FRAS1: variants seen among roughly 807,000 people sequenced by gnomAD.
FRAS1 encodes extracellular matrix organizing protein FRAS1.
In FRAS1, 290 loss-of-function variants were observed where a neutral mutation model predicts 435.2. The ratio of observed to expected loss-of-function variants is 0.67; its 90% confidence interval spans 0.61 to 0.73. FRAS1 has a LOEUF of 0.73. Ranked by LOEUF, FRAS1 falls within the 30% of genes least tolerant of loss-of-function variation. The probability of loss-of-function intolerance (pLI) is 0.00; values close to 1 mark genes in which losing one functional copy is unlikely to be tolerated. For synonymous variants in FRAS1, 1,800 were observed against 1,851.0 expected (o/e 0.97, Z 0.71); for missense variants, 4,860 against 5,001.5 (o/e 0.97, Z 0.85).
At chr4:78,350,718 A>G (rs1730718235) in intron 20 of FRAS1, among the ~76,000 whole-genome samples, 1 of 3,106 alleles carries the variant, frequency 3.2e-4, no homozygotes, top group Non-Finnish European at 5.9e-4. Context: ...CTACATGGAA[A>G]CTGAACAACC....
At chr4:78,297,423 AG>A (rs1347612460) in intron 14 of FRAS1, among the ~76,000 whole-genome samples, 8 of 152,242 alleles carry the variant, frequency 5.3e-5, no homozygotes, top group Non-Finnish European at 1.2e-4. Flanking sequence ...TCCCTGGAAA[AG>A]GGCTGCATTT....
chr4:78,202,451 G>C lies in FRAS1; in HGVS notation c.109-35059G>C, dbSNP rs893616985. Among the ~76,000 whole-genome samples the C allele has an allele frequency of 7.2e-5, 11 of 152,186 alleles. 1 individual carries two copies. The highest frequency in any genetic ancestry group is 1.5e-4 in the Non-Finnish European group (10 of 68,042). ...CATGCCTGTAATCCCAGCACTTCTG[G>C]AGGCTGAGGTGGGTGGATAACTTGA... On this transcript the variant is annotated intron_variant, in intron 2 of 73. Coordinates refer to ENST00000512123, the MANE Select transcript of FRAS1 (RefSeq NM_025074.7).
At chr4:78,438,517 T>C in intron 38 of FRAS1, 53 bp from the exon 39 acceptor site, 1 of 1,587,758 alleles carries the variant, frequency 6.3e-7, no homozygotes, top group African/African-American at 1.3e-5. Context: ...CTACTGGAAG[T>C]GTTTATTCCT....
chr4:78,068,795 G>A (rs971043999), intron 2 of FRAS1: 1 of 349,104 alleles, frequency 2.9e-6, no homozygotes, highest in Non-Finnish European at 5.6e-6. Flanking sequence ...GGGTTTATTT[G>A]TAACCACTTT....
intron 4 of FRAS1, among the ~76,000 whole-genome samples, chr4:78,245,635 A>G (rs1434662991): frequency 1.3e-5 from 2 of 152,200 alleles, no homozygotes; most frequent in Non-Finnish European, 2.9e-5. Context: ...GATAGTTACA[A>G]ACAATCCTGA....
chr4:78,271,156 A>G (rs1020192563), intron 9 of FRAS1, among the ~76,000 whole-genome samples: 22 of 152,312 alleles, frequency 1.4e-4, no homozygotes, highest in East Asian at 1.9e-4. Context: ...AAATATCATT[A>G]TGATTATTCT....
intron 2 of FRAS1, among the ~76,000 whole-genome samples, chr4:78,212,420 G>A (rs1387803689): frequency 1.3e-5 from 2 of 152,102 alleles, no homozygotes; most frequent in Non-Finnish European, 2.9e-5. Flanking sequence ...GAAAGGGAGA[G>A]GCTGGTAAAT....
Position 78,522,769 on chromosome 4 carries a change from C to T in FRAS1, c.10769C>T (p.Ser3590Phe). Residue 3590 changes from serine to phenylalanine, a missense_variant, in exon 69 of 74, where the codon TCT becomes TTT. Transcript: ENST00000512123. The part of the protein sequence containing the change: ...QLLWSAQTFD[S>F]PHQLWRATSS... ...TTATGGAGCGCTCAGACTTTTGATT[C>T]TCCACATCAACTCTGGAGAGCCACA... 1 of 1,612,064 alleles carries T rather than the reference C, an allele frequency of 6.2e-7. No individual in the cohort carries two copies. Among genetic ancestry groups the T allele is most frequent in the Non-Finnish European group, 8.5e-7 (1 of 1,179,030 alleles).
Position 78,400,742 on chromosome 4 carries a change from G to A in FRAS1, c.3984G>A (p.Arg1328=), listed in dbSNP as rs1192000617. 1.9e-6 allele frequency: 3 copies of A among 1,611,850 alleles called. No homozygotes were observed. The highest frequency in any genetic ancestry group is 2.5e-6 in the Non-Finnish European group (3 of 1,179,178). The change falls in exon 30 of 74, where the codon AGG becomes AGA. Residue 1328 remains arginine, a synonymous_variant. Coordinates refer to ENST00000512123, the MANE Select transcript of FRAS1 (RefSeq NM_025074.7). ...TTTTATTTTTATTTCAGAATGACAG[G>A]GGTCTTCAGCTTGTGGCTAATTCGA... ...FQVKTVPQND[R]GLQLVANSMV...
chr4:78,238,455 G>A (rs1021889993), intron 3 of FRAS1, among the ~76,000 whole-genome samples: 2 of 151,202 alleles, frequency 1.3e-5, no homozygotes, highest in Admixed American at 1.3e-4. Context: ...TATTTTTCTA[G>A]TTTTTGGCTT....
Position 78,077,156 on chromosome 4 carries a change from A to G in FRAS1, c.108+11140A>G, listed in dbSNP as rs1051529199. Among the ~76,000 whole-genome samples the G allele has an allele frequency of 2.0e-5, 3 of 151,920 alleles. No homozygotes were observed. The South Asian group carries it at 6.2e-4, about 32-fold the overall frequency. On this transcript the variant is annotated intron_variant, in intron 2 of 73. Coordinates refer to ENST00000512123, the MANE Select transcript of FRAS1 (RefSeq NM_025074.7). ...GCTTAAGCCCAGATGTTCAAGACCA[A>G]CTTGGTTAACATAGCAAGATTCCAT... is the stretch of plus-strand genomic sequence containing the variant.
At chr4:78,531,671 A>G (rs1040197160) in intron 70 of FRAS1, among the ~76,000 whole-genome samples, 26 of 152,248 alleles carry the variant, frequency 1.7e-4, no homozygotes, top group Admixed American at 6.5e-4. Flanking sequence ...TGTTGGAGTG[A>G]GGAAACAGAA....
intron 6 of FRAS1, 55 bp from the exon 7 acceptor site, chr4:78,264,970 T>C (rs1209327223): frequency 1.8e-6 from 2 of 1,086,412 alleles, no homozygotes; most frequent in Non-Finnish European, 2.8e-6. Context: ...TTCCTGCTGT[T>C]GTGGATCTTA....
At chr4:78,079,813 C>G (rs750175880) in intron 2 of FRAS1, among the ~76,000 whole-genome samples, 1 of 152,108 alleles carries the variant, frequency 6.6e-6, no homozygotes, top group Admixed American at 6.6e-5. Flanking sequence ...AAATCACACC[C>G]TCAATGGGGA....
chr4:78,449,321 C>T (rs1718948729), intron 44 of FRAS1, among the ~76,000 whole-genome samples: 1 of 152,146 alleles, frequency 6.6e-6, no homozygotes, highest in African/African-American at 2.4e-5. Context: ...CTCCATGTTA[C>T]AGCAGCAGAA....
At chr4:78,384,866 C>T (rs535607776) in intron 28 of FRAS1, among the ~76,000 whole-genome samples, 8 of 147,986 alleles carry the variant, frequency 5.4e-5, no homozygotes, top group Non-Finnish European at 1.2e-4. Context: ...GACGATCATG[C>T]CACCGTGCCC....
chr4:78,133,767 A>G (rs1424093531), intron 2 of FRAS1, among the ~76,000 whole-genome samples: 1 of 152,264 alleles, frequency 6.6e-6, no homozygotes, highest in East Asian at 1.9e-4. Context: ...GAAGACACAT[A>G]TGTTTCTGTT....
In FRAS1 at chr4:78,355,928, C is replaced by G. The variant is rs1008593240; in HGVS notation, c.2423-7585C>G. On this transcript the variant is annotated intron_variant, in intron 20 of 73. Transcript: ENST00000512123. ...CCCATCAAAGATCTGAATTAGAGGGCTCATCAGACGGTTACCACCAAATAA... is the reference window on the plus strand; with the variant it reads ...CCCATCAAAGATCTGAATTAGAGGGGTCATCAGACGGTTACCACCAAATAA... Among the ~76,000 whole-genome samples, 7 of 152,228 alleles carry G rather than the reference C, an allele frequency of 4.6e-5. No individual in the cohort carries two copies. The South Asian group carries it at 1.5e-3, about 32-fold the overall frequency.
chr4:78,477,730 A>T (rs1235012927), intron 54 of FRAS1, 85 bp from the exon 55 acceptor site: 3 of 1,504,750 alleles, frequency 2.0e-6, no homozygotes, highest in South Asian at 1.3e-5. Context: ...CTGGACTTGG[A>T]TGCTCTTTTC....
Sources: allele counts gnomAD v4.1 joint callset (sites outside exome capture counted in the v4.1 genomes callset), GRCh38; gene constraint gnomAD v4.1.1; transcripts MANE v1.5; gene names NCBI Gene and HGNC (gene_info 2026-07-23, HGNC 2026-07-21).